The following NFIA variants were observed in gnomAD, a reference collection of about 807,000 sequenced individuals.
NFIA encodes nuclear factor I A, also known as nuclear factor 1 A-type.
NFIA carries 8 observed loss-of-function variants against 62.8 expected under a neutral mutation model. That is an observed-to-expected ratio of 0.13 (90% CI 0.07 to 0.23). The LOEUF is 0.23. Ranked by LOEUF, NFIA falls within the 10% of genes least tolerant of loss-of-function variation. NFIA has a pLI of 1.00. For synonymous variants in NFIA, 235 were observed against 238.1 expected (o/e 0.99, Z 0.12); for missense variants, 410 against 642.1 (o/e 0.64, Z 3.91).
intron 7 of NFIA, among the ~76,000 whole-genome samples, chr1:61,387,106 G>A (rs1664729952): frequency 6.6e-6 from 1 of 152,110 alleles, no homozygotes; most frequent in African/African-American, 2.4e-5. Flanking sequence ...TCAAGATATG[G>A]ATCCTAGAGG....
In NFIA at chr1:61,455,630, G is replaced by A. The variant is rs1333226203; in HGVS notation, c.*310G>A. 9.1e-6 allele frequency: 4 copies of A among 440,120 alleles called. No individual in the cohort carries two copies. The highest frequency in any genetic ancestry group is 1.6e-5 in the Non-Finnish European group (4 of 251,912). 27.3% of individuals were successfully genotyped at this position (440,120 alleles called of 1,614,324 possible). ...TGGTAGCGTGAGCATTAGGTGACGT[G>A]GCTAGCGGAGGACTACCCTTGCTCA... On this transcript the variant is annotated 3_prime_UTR_variant, in exon 11 of 11. Transcript: ENST00000403491.
chr1:61,441,516 A>T (rs1209363302), intron 10 of NFIA, among the ~76,000 whole-genome samples: 5 of 152,160 alleles, frequency 3.3e-5, no homozygotes. Flanking sequence ...AGGACCTTTG[A>T]TTTAAAGTTC....
At chr1:61,175,399 C>T (rs1283784562) in intron 2 of NFIA, among the ~76,000 whole-genome samples, 3 of 152,162 alleles carry the variant, frequency 2.0e-5, no homozygotes, top group Admixed American at 1.3e-4. Context: ...GCCTTGGCTT[C>T]CCAAAGTGCT....
intron 2 of NFIA, among the ~76,000 whole-genome samples, chr1:61,153,500 G>A (rs911146243): frequency 6.6e-6 from 1 of 152,190 alleles, no homozygotes. Flanking sequence ...CAGACACACT[G>A]CATTGGTTAA....
At chr1:61,206,304 C>T (rs1416341620) in intron 2 of NFIA, among the ~76,000 whole-genome samples, 1 of 152,052 alleles carries the variant, frequency 6.6e-6, no homozygotes, top group Non-Finnish European at 1.5e-5. Context: ...AGTCTTTTTG[C>T]CAGCACACTG....
chr1:61,383,660 TTG>T (rs113532018), intron 7 of NFIA, among the ~76,000 whole-genome samples: 90 of 151,560 alleles, frequency 5.9e-4, no homozygotes, highest in African/African-American at 1.6e-3. Context: ...GTTCTACAAG[TTG>T]TGTGTGTGTG....
At chr1:61,349,404 T>G (rs901016904) in intron 4 of NFIA, among the ~76,000 whole-genome samples, 44 of 152,196 alleles carry the variant, frequency 2.9e-4, no homozygotes, top group Non-Finnish European at 1.0e-4. Flanking sequence ...AAGTATTTAT[T>G]CTTAGAAATT....
rs1220052199 is a variant in NFIA at position 61,279,689 on chromosome 1, C to G, written c.625+2104C>G. The stretch of plus-strand genomic sequence containing the variant: ...TATTTAGGTCTGGCCGCCCCTCTAG[C>G]AGGCCTGTGATTCATCTGTCTTCAT... On this transcript the variant is annotated intron_variant, in intron 3 of 10. Coordinates refer to ENST00000403491, the MANE Select transcript of NFIA (RefSeq NM_001134673.4). Among the ~76,000 whole-genome samples, 8 of 152,184 alleles carry G rather than the reference C, an allele frequency of 5.3e-5. 1 individual carries two copies. The highest frequency in any genetic ancestry group is 5.2e-4 in the Admixed American group (8 of 15,278).
intron 7 of NFIA, among the ~76,000 whole-genome samples, chr1:61,385,038 C>T (rs1490199473): frequency 6.6e-6 from 1 of 152,092 alleles, no homozygotes; most frequent in Non-Finnish European, 1.5e-5. Flanking sequence ...TCAAGATCAG[C>T]CTGGCCAACA....
chr1:61,290,317 GT>G lies in NFIA; in HGVS notation c.625+12736del. On this transcript the variant is annotated intron_variant, in intron 3 of 10. Coordinates refer to ENST00000403491, the MANE Select transcript of NFIA (RefSeq NM_001134673.4). Reference sequence around the variant, plus strand: ...CCGTTGCAAAAGATTTAGGAGTATAGTTTTACTGAAAACATAAAATGTTTCT... The same window carrying G: ...CCGTTGCAAAAGATTTAGGAGTATAGTTTACTGAAAACATAAAATGTTTCT... Among the ~76,000 whole-genome samples, 3 of 152,244 alleles carry G rather than the reference GT, an allele frequency of 2.0e-5. No homozygotes were observed. The East Asian group carries it at 5.8e-4, about 29-fold the overall frequency.
chr1:61,129,967 A>G (rs1437129137), intron 2 of NFIA, among the ~76,000 whole-genome samples: 2 of 152,190 alleles, frequency 1.3e-5, no homozygotes, highest in Non-Finnish European at 2.9e-5. Flanking sequence ...TTAGAGTTAG[A>G]ATCTTGGCTT....
intron 2 of NFIA, among the ~76,000 whole-genome samples, chr1:61,172,895 C>T (rs1227408470): frequency 6.6e-6 from 1 of 152,144 alleles, no homozygotes; most frequent in Non-Finnish European, 1.5e-5. Flanking sequence ...ACTATTGAAT[C>T]CAAAAATAAT....
intron 6 of NFIA, among the ~76,000 whole-genome samples, chr1:61,381,304 A>AT (rs960153714): frequency 3.3e-5 from 5 of 151,878 alleles, no homozygotes; most frequent in Non-Finnish European, 5.9e-5. Context: ...TATTTCTTTC[A>AT]TTTTTTTTAT....
rs1424123832 is a variant in NFIA, at chr1:61,456,935, A to G, written c.*1615A>G. On this transcript the variant is annotated 3_prime_UTR_variant, in exon 11 of 11. Coordinates refer to ENST00000403491, the MANE Select transcript of NFIA (RefSeq NM_001134673.4). ...ATGCGACTTCAAGAAGGTTTCCTAT[A>G]CTATACATATATATACGTTCTGGTT... is the stretch of plus-strand genomic sequence containing the variant. 1 of 152,062 alleles carries G rather than the reference A, an allele frequency of 6.6e-6. No homozygotes were observed. The highest frequency in any genetic ancestry group is 1.5e-5 in the Non-Finnish European group (1 of 67,986). The allele number at this position is 152,062 out of a possible 1,614,324, so 9.4% of individuals were successfully genotyped here.
At chr1:61,383,694 A>C (rs1206275151) in intron 7 of NFIA, among the ~76,000 whole-genome samples, 3 of 152,024 alleles carry the variant, frequency 2.0e-5, no homozygotes, top group Non-Finnish European at 4.4e-5. Flanking sequence ...GAGAGACAGA[A>C]TGTGTGTGTG....
chr1:61,183,625 C>T (rs1650909489), intron 2 of NFIA, among the ~76,000 whole-genome samples: 1 of 152,214 alleles, frequency 6.6e-6, no homozygotes, highest in Non-Finnish European at 1.5e-5. Flanking sequence ...GCCCCCACTG[C>T]AGTAAACACT....
At chr1:61,268,405 C>T (rs924007311) in intron 2 of NFIA, among the ~76,000 whole-genome samples, 20 of 151,624 alleles carry the variant, frequency 1.3e-4, no homozygotes, top group Admixed American at 1.3e-3. Flanking sequence ...CCCCTCTACT[C>T]CCCTGCCCCC....
chr1:61,232,411 A>G (rs1031559285), intron 2 of NFIA, among the ~76,000 whole-genome samples: 1 of 152,214 alleles, frequency 6.6e-6, no homozygotes, highest in Admixed American at 6.5e-5. Context: ...ATATTACATA[A>G]AAGTTTTATT....
At chr1:61,121,817 G>A (rs1646891851) in intron 2 of NFIA, among the ~76,000 whole-genome samples, 1 of 152,066 alleles carries the variant, frequency 6.6e-6, no homozygotes, top group Non-Finnish European at 1.5e-5. Context: ...GAAGGACTGG[G>A]GTAGAACTCT....
Sources: gnomAD v4.1 joint callset for allele counts (sites outside exome capture counted in the v4.1 genomes callset) on GRCh38, gnomAD v4.1.1 for gene constraint, MANE v1.5 for transcripts, NCBI Gene and HGNC (gene_info 2026-07-23, HGNC 2026-07-21) for gene names.